The following ARL3 variants were observed in gnomAD, a reference collection of about 807,000 sequenced individuals.
ARL3 encodes the protein ADP-ribosylation factor-like protein 3.
Under a neutral mutation model 26.0 loss-of-function variants are expected in ARL3, and 9 were observed. That is an observed-to-expected ratio of 0.35 (90% CI 0.21 to 0.60). The LOEUF is 0.60. ARL3 is among the 20% of genes least tolerant of loss of function. ARL3 has a pLI of 0.78. For synonymous variants in ARL3, 71 were observed against 78.4 expected (o/e 0.91, Z 0.50); for missense variants, 158 against 215.7 (o/e 0.73, Z 1.67).
chr10:102,707,801 G>T (rs1353561134), intron 1 of ARL3, among the ~76,000 whole-genome samples: 1 of 152,212 alleles, frequency 6.6e-6, no homozygotes, highest in Admixed American at 6.5e-5. Flanking sequence ...CAGTAAGATG[G>T]AAGGTTTAGT....
intron 3 of ARL3, among the ~76,000 whole-genome samples, chr10:102,697,284 A>G (rs992913082): frequency 3.3e-5 from 5 of 151,932 alleles, no homozygotes; most frequent in African/African-American, 1.2e-4. Flanking sequence ...GGTTCAAGCA[A>G]TTCTCTTCCT....
Position 102,689,892 on chromosome 10 carries a change from C to T in ARL3, c.315+1G>A, listed in dbSNP as rs1187750288. The T allele has an allele frequency of 6.3e-7, 1 of 1,580,350 alleles. No individual in the cohort carries two copies. The highest frequency in any genetic ancestry group is 1.1e-5 in the South Asian group (1 of 88,484). On this transcript the variant is annotated splice_donor_variant, in intron 4 of 5. Coordinates refer to ENST00000260746, the MANE Select transcript of ARL3 (RefSeq NM_004311.4). LOFTEE classifies it high-confidence loss of function. ...CTTTGATATAAAAAAGAATTATTTACCTGACCCGTCTCTTCAAATCTTTTT... is the reference window on the plus strand; with the variant it reads ...CTTTGATATAAAAAAGAATTATTTATCTGACCCGTCTCTTCAAATCTTTTT...
intron 1 of ARL3, among the ~76,000 whole-genome samples, chr10:102,711,705 GGA>G (rs2064342172): frequency 6.6e-6 from 1 of 151,882 alleles, no homozygotes. Context: ...TGCAGTGAAC[GGA>G]GATCGCGCCA....
Position 102,676,747 on chromosome 10 carries a change from G to T in ARL3, c.*147C>A. The T allele has an allele frequency of 2.7e-6, 2 of 737,560 alleles. No individual in the cohort carries two copies. Among genetic ancestry groups the T allele is most frequent in the East Asian group, 2.6e-5 (1 of 39,016 alleles). The allele number at this position is 737,560 out of a possible 1,614,324, so 45.7% of individuals were successfully genotyped here. ...CAGTTAAATCTACTGCTGGAATGGG[G>T]ATTCTTTCTAAACCGTGTTGTTCCC... is the stretch of plus-strand genomic sequence containing the variant. On this transcript the variant is annotated 3_prime_UTR_variant, in exon 6 of 6. Transcript: ENST00000260746.
At chr10:102,705,565 T>C in intron 1 of ARL3, 76 bp from the exon 2 acceptor site, 16 of 1,368,710 alleles carry the variant, frequency 1.2e-5, no homozygotes, top group Admixed American at 2.7e-5. Flanking sequence ...GAATAACTTC[T>C]CCTTGAAAAA....
At chr10:102,713,960 T>C (rs193005416) in intron 1 of ARL3, among the ~76,000 whole-genome samples, 91 of 152,274 alleles carry the variant, frequency 6.0e-4, no homozygotes, top group African/African-American at 1.8e-3. Context: ...GTTCCTGGGA[T>C]CCGCCCTCAC....
chr10:102,709,843 G>A (rs1400815020), intron 1 of ARL3, among the ~76,000 whole-genome samples: 1 of 151,896 alleles, frequency 6.6e-6, no homozygotes, highest in Non-Finnish European at 1.5e-5. Context: ...GACCAACCTG[G>A]CCAACATGGT....
At chr10:102,702,728 A>G (rs950153748) in intron 2 of ARL3, among the ~76,000 whole-genome samples, 25 of 152,232 alleles carry the variant, frequency 1.6e-4, no homozygotes, top group African/African-American at 5.8e-4. Context: ...ACACACTAAT[A>G]TGTGTTTTCA....
At position 102,691,366 on chromosome 10, in the gene ARL3, T is replaced by C. The variant is rs559342289; in HGVS notation, c.265-1423A>G. ...CAATTCCCACCTATGAGTGAGAATA[T>C]GCGGTGTTTGGTTTTTTGTTCTTGC... On this transcript the variant is annotated intron_variant, in intron 3 of 5. Coordinates refer to ENST00000260746, the MANE Select transcript of ARL3 (RefSeq NM_004311.4). 1.0e-4 allele frequency among the ~76,000 whole-genome samples: 15 copies of C among 148,334 alleles called. No individual in the cohort carries two copies. The South Asian group carries it at 2.8e-3, about 27-fold the overall frequency.
chr10:102,709,112 C>T (rs2801048), intron 1 of ARL3, among the ~76,000 whole-genome samples: 150,737 of 151,008 alleles, frequency 1, 75,234 homozygotes, highest in East Asian at 1. Context: ...CACTATGTTG[C>T]CCAAGCTAGT....
intron 5 of ARL3, among the ~76,000 whole-genome samples, chr10:102,684,364 T>C (rs1209622369): frequency 6.6e-6 from 1 of 152,032 alleles, no homozygotes; most frequent in Non-Finnish European, 1.5e-5. Flanking sequence ...TTAGCCAGGA[T>C]GGTCTCGATC....
chr10:102,683,728 A>C (rs1412861705), intron 5 of ARL3, among the ~76,000 whole-genome samples: 3 of 152,012 alleles, frequency 2.0e-5, no homozygotes, highest in African/African-American at 7.2e-5. Context: ...TTGTGGCCTA[A>C]AGATCCCGTG....
intron 4 of ARL3, among the ~76,000 whole-genome samples, chr10:102,687,648 A>G: frequency 6.6e-6 from 1 of 151,964 alleles, no homozygotes; most frequent in Non-Finnish European, 1.5e-5. Flanking sequence ...AGATCATGCC[A>G]CTGCACTCCA....
intron 5 of ARL3, among the ~76,000 whole-genome samples, chr10:102,681,066 G>C (rs1184518304): frequency 6.6e-6 from 1 of 152,132 alleles, no homozygotes; most frequent in Non-Finnish European, 1.5e-5. Context: ...CTGATGCCAG[G>C]CCTAGAAAGA....
chr10:102,709,744 A>C (rs2064328561), intron 1 of ARL3, among the ~76,000 whole-genome samples: 1 of 152,046 alleles, frequency 6.6e-6, no homozygotes, highest in Non-Finnish European at 1.5e-5. Flanking sequence ...AATCATTCTA[A>C]CTATAAGGCT....
At chr10:102,699,819 A>G (rs2064269297) in intron 2 of ARL3, among the ~76,000 whole-genome samples, 1 of 152,240 alleles carries the variant, frequency 6.6e-6, no homozygotes. Flanking sequence ...ATGAATCTTC[A>G]GGATGGTAAA....
chr10:102,713,788 A>G (rs2064362697), intron 1 of ARL3, among the ~76,000 whole-genome samples: 1 of 152,168 alleles, frequency 6.6e-6, no homozygotes, highest in Non-Finnish European at 1.5e-5. Flanking sequence ...GAGGAGAGCT[A>G]GGCTACCATC....
intron 5 of ARL3, among the ~76,000 whole-genome samples, chr10:102,680,244 G>A (rs1006214330): frequency 6.6e-6 from 1 of 152,106 alleles, no homozygotes; most frequent in East Asian, 1.9e-4. Context: ...GCACCTGGCC[G>A]AATCTTTATT....
At chr10:102,706,839 T>C (rs2064313292) in intron 1 of ARL3, among the ~76,000 whole-genome samples, 1 of 152,040 alleles carries the variant, frequency 6.6e-6, no homozygotes, top group Admixed American at 6.5e-5. Flanking sequence ...GCCTAGCTAA[T>C]TTTTATATTT....
Sources: gnomAD v4.1 joint callset for allele counts (sites outside exome capture counted in the v4.1 genomes callset) on GRCh38, gnomAD v4.1.1 for gene constraint, MANE v1.5 for transcripts, NCBI Gene and HGNC (gene_info 2026-07-23, HGNC 2026-07-21) for gene names.